NCOR2: variants seen among roughly 807,000 people sequenced by gnomAD.
NCOR2 encodes the protein nuclear receptor corepressor 2, also known as CTG repeat protein 26.
A neutral mutation model predicts 262.9 loss-of-function variants in NCOR2; 81 were observed. The observed-to-expected ratio is 0.31, with a 90% CI of 0.26 to 0.37. The LOEUF is 0.37. NCOR2 is among the 10% of genes least tolerant of loss of function. NCOR2 has a pLI of 1.00. For missense variants in NCOR2, 3,385 were observed against 3,621.4 expected, an observed-to-expected ratio of 0.93 and a Z score of 1.68; for synonymous variants, 1,659 against 1,559.3, an observed-to-expected ratio of 1.06 and a Z score of -1.51.
At chr12:124,386,507 A>C (rs1473127644) in intron 16 of NCOR2, among the ~76,000 whole-genome samples, 2 of 152,010 alleles carry the variant, frequency 1.3e-5, no homozygotes. Flanking sequence ...CTAAAGGCCC[A>C]CTCAGGACTC....
At chr12:124,356,607 G>C (rs1180885957) in intron 23 of NCOR2, 35 bp downstream of exon 25, 1 of 1,414,992 alleles carries the variant, frequency 7.1e-7, no homozygotes, top group Non-Finnish European at 9.2e-7. Context: ...TTGTGCACTG[G>C]CTGAAGAAGC....
chr12:124,358,621 G>C, intron 22 of NCOR2, among the ~76,000 whole-genome samples: 1 of 152,164 alleles, frequency 6.6e-6, no homozygotes, highest in Non-Finnish European at 1.5e-5. Flanking sequence ...GGGAAACTGA[G>C]GTACAGACAC....
At chr12:124,513,903 T>A (rs2049562196) in intron 1 of NCOR2, 2 of 152,126 alleles carry the variant, frequency 1.3e-5, no homozygotes, top group South Asian at 4.1e-4. Context: ...TTCCAAATCA[T>A]CCCCAAAATG....
At chr12:124,372,320 C>T in exon 20 of NCOR2, 1 of 1,526,342 alleles carries the variant, frequency 6.6e-7, no homozygotes, top group Non-Finnish European at 8.8e-7. Flanking sequence ...CCCTCCTCCA[C>T]TGGGGGCGCT....
chr12:124,546,078 C>T (rs1566047455), intron 1 of NCOR2, among the ~76,000 whole-genome samples: 2 of 152,226 alleles, frequency 1.3e-5, no homozygotes, highest in African/African-American at 4.8e-5. Flanking sequence ...CCACAGAGCA[C>T]AGGTCTCGTG....
chr12:124,532,851 C>T (rs375658111), intron 1 of NCOR2, among the ~76,000 whole-genome samples: 14 of 151,902 alleles, frequency 9.2e-5, no homozygotes, highest in Non-Finnish European at 1.8e-4. Flanking sequence ...TGTGGGGGAC[C>T]GCCACCGTCC....
rs2037235658 is a variant in NCOR2, at chr12:124,349,405, C to T, written c.3845-1091G>A. ...TGTGGCCCACGGCCCGTGAGCTACT[C>T]CAGGGGTTGCCAACAGGAGGGTACT... On this transcript the variant is annotated intron_variant, in intron 28 of 46. Transcript: ENST00000405201. Among the ~76,000 whole-genome samples, 3 of 152,278 alleles carry T rather than the reference C, an allele frequency of 2.0e-5. No individual in the cohort carries two copies. The South Asian group carries it at 6.2e-4, about 32-fold the overall frequency.
chr12:124,479,510 C>T (rs144279746), intron 3 of NCOR2, among the ~76,000 whole-genome samples: 72 of 151,186 alleles, frequency 4.8e-4, no homozygotes, highest in African/African-American at 1.7e-3. Context: ...CGCATACACA[C>T]GCACATGCGC....
At chr12:124,467,031 C>A in intron 4 of NCOR2, among the ~76,000 whole-genome samples, 1 of 120,486 alleles carries the variant, frequency 8.3e-6, no homozygotes, top group Admixed American at 8.9e-5. Flanking sequence ...CCCCATCATC[C>A]TCATCCTCAC....
chr12:124,386,935 G>GA (rs1165918884), intron 16 of NCOR2, among the ~76,000 whole-genome samples: 2 of 152,370 alleles, frequency 1.3e-5, no homozygotes, highest in Admixed American at 6.5e-5. Context: ...GGCTGTGGGA[G>GA]AGACAGGGAG....
intron 3 of NCOR2, among the ~76,000 whole-genome samples, chr12:124,474,086 C>A (rs2046968639): frequency 6.6e-6 from 1 of 152,242 alleles, no homozygotes; most frequent in African/African-American, 2.4e-5. Flanking sequence ...CCACTTACCC[C>A]ATCTGTGTGT....
chr12:124,508,373 G>A lies in NCOR2; in HGVS notation c.-117-13005C>T, dbSNP rs1593890251. ...GCCCCTGCAGCCAGGAGCTCAGACA[G>A]TAAACAAATGCTTCAGCGCCCAGGA... is the stretch of plus-strand genomic sequence containing the variant. On this transcript the variant is annotated intron_variant, in intron 1 of 46. Coordinates refer to the NCOR2 transcript ENST00000404621. Among the ~76,000 whole-genome samples, 6 of 152,366 alleles carry A rather than the reference G, an allele frequency of 3.9e-5. No individual in the cohort carries two copies. The East Asian group carries it at 1.2e-3, about 29-fold the overall frequency.
At chr12:124,410,487 C>T (rs569919224) in intron 13 of NCOR2, among the ~76,000 whole-genome samples, 1 of 151,820 alleles carries the variant, frequency 6.6e-6, no homozygotes, top group African/African-American at 2.4e-5. Flanking sequence ...TAAAACTGCA[C>T]CCAATCCTGC....
At chr12:124,543,068 C>T (rs2137230041) in intron 1 of NCOR2, among the ~76,000 whole-genome samples, 1 of 152,302 alleles carries the variant, frequency 6.6e-6, no homozygotes, top group South Asian at 2.1e-4. Flanking sequence ...GGGTCACAGC[C>T]TCTCTCCCTC....
chr12:124,527,805 G>A (rs1375570554), intron 1 of NCOR2, among the ~76,000 whole-genome samples: 1 of 152,216 alleles, frequency 6.6e-6, no homozygotes, highest in Non-Finnish European at 1.5e-5. Flanking sequence ...CTGCCATGGG[G>A]TGCTCCCACT....
intron 13 of NCOR2, among the ~76,000 whole-genome samples, chr12:124,405,069 T>A (rs529573979): frequency 3.0e-4 from 45 of 152,098 alleles, no homozygotes; most frequent in African/African-American, 1.0e-3. Context: ...ACAGTTTGTG[T>A]TCTGCAGACT....
intron 8 of NCOR2, among the ~76,000 whole-genome samples, chr12:124,431,415 G>A (rs540913977): frequency 6.7e-6 from 1 of 149,924 alleles, no homozygotes; most frequent in East Asian, 2.0e-4. Context: ...CAGGCAGACA[G>A]ACAGACAGAC....
chr12:124,339,325 A>G (rs1444812129), intron 37 of NCOR2, among the ~76,000 whole-genome samples: 1 of 133,520 alleles, frequency 7.5e-6, no homozygotes, highest in Non-Finnish European at 1.5e-5. Context: ...CCATCCATCC[A>G]TCCATCCATC....
intron 7 of NCOR2, among the ~76,000 whole-genome samples, chr12:124,441,516 C>A (rs956929122): frequency 6.6e-6 from 1 of 152,176 alleles, no homozygotes; most frequent in South Asian, 2.1e-4. Flanking sequence ...AACAGAAAAT[C>A]GTCATTAGAA....
Sources: gnomAD v4.1 joint callset for allele counts (sites outside exome capture counted in the v4.1 genomes callset) on GRCh38, gnomAD v4.1.1 for gene constraint, MANE v1.5 for transcripts, NCBI Gene and HGNC (gene_info 2026-07-23, HGNC 2026-07-21) for gene names.